MICU1: variants seen among roughly 807,000 people sequenced by gnomAD.
MICU1 encodes mitochondrial calcium uptake 1.
A neutral mutation model predicts 56.8 loss-of-function variants in MICU1; 45 were observed. The observed-to-expected ratio is 0.79, with a 90% CI of 0.62 to 1.02. MICU1 has a LOEUF of 1.02. MICU1 is among the 50% of genes least tolerant of loss of function. MICU1 has a pLI of 0.00. For missense variants in MICU1, 504 were observed against 587.1 expected, an observed-to-expected ratio of 0.86 and a Z score of 1.46; for synonymous variants, 186 against 195.1, an observed-to-expected ratio of 0.95 and a Z score of 0.39.
At chr10:72,559,496 A>C (rs1278499683) in intron 3 of MICU1, among the ~76,000 whole-genome samples, 1 of 151,860 alleles carries the variant, frequency 6.6e-6, no homozygotes, top group Non-Finnish European at 1.5e-5. Flanking sequence ...ATATTACATA[A>C]AAATTAAGAG....
intron 8 of MICU1, among the ~76,000 whole-genome samples, chr10:72,432,476 T>C (rs1864571760): frequency 6.6e-6 from 1 of 152,110 alleles, no homozygotes; most frequent in East Asian, 1.9e-4. Context: ...TATAAAGGAA[T>C]ACCTGAAGCT....
At chr10:72,505,987 A>AG (rs1303132534) in intron 6 of MICU1, among the ~76,000 whole-genome samples, 2 of 90,646 alleles carry the variant, frequency 2.2e-5, no homozygotes, top group Non-Finnish European at 4.6e-5. Context: ...AAAACAAAAA[A>AG]CAAGCAAGCA....
chr10:72,425,073 AC>A (rs1163175714), intron 8 of MICU1, among the ~76,000 whole-genome samples: 3 of 152,352 alleles, frequency 2.0e-5, no homozygotes, highest in African/African-American at 7.2e-5. Flanking sequence ...TGAAGGACTG[AC>A]AAAATTTTCT....
intron 4 of MICU1, among the ~76,000 whole-genome samples, chr10:72,541,196 T>C (rs1482591511): frequency 6.6e-6 from 1 of 152,240 alleles, no homozygotes; most frequent in Non-Finnish European, 1.5e-5. Flanking sequence ...ATAGTTTAAC[T>C]TGAAAGCAAG....
intron 1 of MICU1, among the ~76,000 whole-genome samples, chr10:72,569,293 G>A (rs1189422971): frequency 7.7e-6 from 1 of 129,134 alleles, no homozygotes; most frequent in African/African-American, 3.0e-5. Context: ...GGAGTGTGGT[G>A]GCATGATCTC....
At chr10:72,411,746 A>G (rs1446876726) in intron 9 of MICU1, among the ~76,000 whole-genome samples, 2 of 152,098 alleles carry the variant, frequency 1.3e-5, no homozygotes, top group Non-Finnish European at 2.9e-5. Context: ...AATGTGTCCC[A>G]CTCTGATGAT....
At chr10:72,483,024 T>G (rs1031921982) in intron 6 of MICU1, among the ~76,000 whole-genome samples, 2 of 151,720 alleles carry the variant, frequency 1.3e-5, no homozygotes, top group African/African-American at 4.8e-5. Flanking sequence ...CCTGGCTAAT[T>G]TTTGTATTTT....
chr10:72,448,305 C>T (rs1346146560), intron 8 of MICU1, among the ~76,000 whole-genome samples: 1 of 142,556 alleles, frequency 7.0e-6, no homozygotes, highest in East Asian at 2.2e-4. Context: ...TCCTGAGTAG[C>T]TGGGATTACA....
chr10:72,443,351 T>C (rs1206869038), intron 8 of MICU1, among the ~76,000 whole-genome samples: 1 of 152,096 alleles, frequency 6.6e-6, no homozygotes, highest in Non-Finnish European at 1.5e-5. Context: ...GTTTCTTTTG[T>C]TGTGCAGAAG....
At chr10:72,598,794 T>A (rs1438802409) in intron 1 of MICU1, among the ~76,000 whole-genome samples, 1 of 152,194 alleles carries the variant, frequency 6.6e-6, no homozygotes, top group Non-Finnish European at 1.5e-5. Flanking sequence ...TTCCTAAATA[T>A]TAGGGTCTGG....
chr10:72,393,546 A>C (rs896907084), intron 10 of MICU1, among the ~76,000 whole-genome samples: 1 of 152,144 alleles, frequency 6.6e-6, no homozygotes, highest in African/African-American at 2.4e-5. Context: ...AGTGGAGTGA[A>C]CTGGGAAAAA....
intron 9 of MICU1, among the ~76,000 whole-genome samples, chr10:72,418,860 G>T (rs1424580086): frequency 1.3e-5 from 2 of 152,198 alleles, no homozygotes; most frequent in African/African-American, 2.4e-5. Flanking sequence ...ACTCACTTTA[G>T]TTAATTGCTA....
At chr10:72,412,887 T>G (rs1348768599) in intron 9 of MICU1, among the ~76,000 whole-genome samples, 1 of 146,690 alleles carries the variant, frequency 6.8e-6, no homozygotes, top group Admixed American at 6.8e-5. Context: ...GGATAAAACT[T>G]TTAGAAGAAA....
chr10:72,399,666 TAAG>T (rs1371029125), intron 10 of MICU1, among the ~76,000 whole-genome samples: 1 of 149,706 alleles, frequency 6.7e-6, no homozygotes, highest in East Asian at 2.0e-4. Context: ...AAATAAAAAA[TAAG>T]AATAAATTTG....
At chr10:72,577,730 T>G (rs1840786589) in intron 1 of MICU1, among the ~76,000 whole-genome samples, 1 of 152,182 alleles carries the variant, frequency 6.6e-6, no homozygotes, top group South Asian at 2.1e-4. Flanking sequence ...AAAAAATTTT[T>G]TTTAAAGTAA....
intron 1 of MICU1, among the ~76,000 whole-genome samples, chr10:72,570,336 AT>A (rs376377271): frequency 1.6e-4 from 24 of 149,750 alleles, no homozygotes; most frequent in Admixed American, 6.7e-4. Flanking sequence ...GGCCCAAATT[AT>A]TTTTTTTTTC....
At chr10:72,382,452 T>A (rs778624090) in intron 10 of MICU1, among the ~76,000 whole-genome samples, 2 of 152,002 alleles carry the variant, frequency 1.3e-5, no homozygotes, top group Non-Finnish European at 2.9e-5. Context: ...CAACTGCGCA[T>A]GTATGGTAGT....
intron 4 of MICU1, among the ~76,000 whole-genome samples, chr10:72,534,893 G>A (rs1031033555): frequency 2.6e-5 from 4 of 151,908 alleles, no homozygotes; most frequent in Admixed American, 2.6e-4. Flanking sequence ...AGATATTTAA[G>A]AGAGTGTAAG....
intron 6 of MICU1, among the ~76,000 whole-genome samples, chr10:72,504,565 T>C (rs1867182118): frequency 6.6e-6 from 1 of 152,090 alleles, no homozygotes; most frequent in East Asian, 1.9e-4. Context: ...ACATCAACTT[T>C]GGGGCGAAAT....
Sources: gnomAD v4.1 joint callset for allele counts (sites outside exome capture counted in the v4.1 genomes callset) on GRCh38, gnomAD v4.1.1 for gene constraint, MANE v1.5 for transcripts, NCBI Gene and HGNC (gene_info 2026-07-23, HGNC 2026-07-21) for gene names.